Variants in ZNF479 observed in about 807,000 individuals in gnomAD.
ZNF479 encodes the protein zinc finger protein 479.
In ZNF479, 15 loss-of-function variants were observed where a neutral mutation model predicts 14.7. That is an observed-to-expected ratio of 1.02 (90% CI 0.68 to 1.57). The LOEUF (loss-of-function observed/expected upper bound fraction) is 1.57, where lower values mean the gene tolerates loss of function less well. Ranked by LOEUF, ZNF479 falls within the 40% of genes most tolerant of loss-of-function variation. The pLI, the probability that ZNF479 is intolerant of heterozygous loss-of-function variation, is 0.00. For missense variants in ZNF479, 506 were observed against 615.1 expected, an observed-to-expected ratio of 0.82 and a Z score of 1.88; for synonymous variants, 145 against 211.5, an observed-to-expected ratio of 0.69 and a Z score of 2.73.
chr7:57,118,885 A>G lies in ZNF479; in HGVS notation c.*955T>C, dbSNP rs1366242871. On this transcript the variant is annotated 3_prime_UTR_variant, in exon 4 of 4. Coordinates refer to ENST00000319636, the MANE Select transcript of ZNF479 (RefSeq NM_001370129.2). ...TTACCTACCATAACGTGTGACTACC[A>G]TTTAAAGTCCTTGCCACATTTAACA... Among the ~76,000 whole-genome samples the G allele has an allele frequency of 6.6e-6, 1 of 152,220 alleles. No homozygotes were observed. The highest frequency in any genetic ancestry group is 2.4e-5 in the African/African-American group (1 of 41,470).
Position 57,120,564 on chromosome 7 carries a change from A to T in ZNF479, c.851T>A (p.Leu284His). 1 of 1,613,572 alleles carries T rather than the reference A, an allele frequency of 6.2e-7. No individual in the cohort carries two copies. Among genetic ancestry groups the T allele is most frequent in the Non-Finnish European group, 8.5e-7 (1 of 1,179,876 alleles). Residue 284 changes from leucine (L) to histidine (H), a missense_variant, in exon 4 of 4, where the codon CTT (leucine) becomes CAT (histidine). Around this residue, in one of 3 missense-constraint regions of ZNF479, gnomAD observed 420 missense variants for 474.2 expected, o/e 0.89. Transcript: ENST00000319636. ...AGTATGAATTCTCTTGTGGTTAGTA[A>T]GTGCTGAGGAGCGCCTAAAGGCTTG... Reference protein sequence around the residue: ...CGQAFRRSSALTNHKRIHTGE... With the variant: ...CGQAFRRSSAHTNHKRIHTGE...
intron 3 of ZNF479, among the ~76,000 whole-genome samples, chr7:57,124,204 T>C (rs1786063318): frequency 6.6e-6 from 1 of 152,026 alleles, no homozygotes. Flanking sequence ...GCACTATACT[T>C]CATAATTTCA....
intron 1 of ZNF479, chr7:57,139,494 T>C (rs1245341075): frequency 2.6e-5 from 4 of 152,222 alleles, no homozygotes; most frequent in Non-Finnish European, 4.4e-5. Context: ...GGGTTTTAAA[T>C]CTTATCTTTA....
intron 3 of ZNF479, among the ~76,000 whole-genome samples, chr7:57,122,476 A>G (rs1402713458): frequency 6.6e-6 from 1 of 152,052 alleles, no homozygotes; most frequent in African/African-American, 2.4e-5. Context: ...ATGCATATAC[A>G]AAAAGTAAAA....
chr7:57,132,721 AT>A (rs529503287), upstream of ZNF479, among the ~76,000 whole-genome samples: 4 of 152,340 alleles, frequency 2.6e-5, no homozygotes, highest in South Asian at 8.3e-4. Context: ...GATATATAAT[AT>A]TTATTCATAA....
chr7:57,132,560 A>G (rs1214347160), upstream of ZNF479, among the ~76,000 whole-genome samples: 1 of 152,142 alleles, frequency 6.6e-6, no homozygotes, highest in Non-Finnish European at 1.5e-5. Flanking sequence ...GAGTGAGGGA[A>G]TATTTGATCA....
At chr7:57,129,171 T>C (rs779551229) in intron 1 of ZNF479, among the ~76,000 whole-genome samples, 1 of 152,192 alleles carries the variant, frequency 6.6e-6, no homozygotes, top group Non-Finnish European at 1.5e-5. Flanking sequence ...AATGGGAGCA[T>C]GAACCGCACT....
At chr7:57,122,597 A>G (rs574811763) in intron 3 of ZNF479, among the ~76,000 whole-genome samples, 47 of 152,306 alleles carry the variant, frequency 3.1e-4, no homozygotes, top group African/African-American at 1.1e-3. Flanking sequence ...TAGCAACATC[A>G]ATAAGAAGTA....
In ZNF479 at chr7:57,120,183, C is replaced by T; in HGVS notation, c.1232G>A (p.Cys411Tyr). ...GCTAAAGACTTTGCCACACTCTTCA[C>T]ATTTGTAGGGTCTCTCTCCAGTATG... ...RIHTGERPYK[C>Y]EECGKVFSLS... Residue 411 changes from cysteine to tyrosine, a missense_variant, in exon 4 of 4, where the codon TGT becomes TAT. Around this residue, in one of 3 missense-constraint regions of ZNF479, gnomAD observed 14 missense variants for 43.4 expected, o/e 0.32. Transcript: ENST00000319636. The T allele has an allele frequency of 6.2e-7, 1 of 1,612,122 alleles. No individual in the cohort carries two copies. The highest frequency in any genetic ancestry group is 1.7e-4 in the Middle Eastern group (1 of 6,036).
intron 1 of ZNF479, among the ~76,000 whole-genome samples, chr7:57,131,143 A>G (rs1409376819): frequency 1.3e-5 from 2 of 152,184 alleles, no homozygotes; most frequent in Admixed American, 6.5e-5. Flanking sequence ...AAATCAGAAA[A>G]CAAATCTGTT....
upstream of ZNF479, among the ~76,000 whole-genome samples, chr7:57,137,092 A>G (rs753855064): frequency 6.6e-6 from 1 of 152,214 alleles, no homozygotes; most frequent in Non-Finnish European, 1.5e-5. Context: ...GGCACTTTAC[A>G]TGACTAAAGT....
chr7:57,129,395 G>A (rs547787091), intron 1 of ZNF479, among the ~76,000 whole-genome samples: 10 of 152,056 alleles, frequency 6.6e-5, no homozygotes, highest in East Asian at 1.9e-4. Context: ...TTGTGCTTTC[G>A]CAGACACATT....
At chr7:57,126,149 G>A in intron 2 of ZNF479, 36 bp from the exon 3 acceptor site, 1 of 1,555,386 alleles carries the variant, frequency 6.4e-7, no homozygotes, top group Non-Finnish European at 8.7e-7. Flanking sequence ...CATAGATCAT[G>A]CTGAATTCTT....
chr7:57,139,508 C>T (rs140147590), intron 1 of ZNF479: 2 of 152,280 alleles, frequency 1.3e-5, no homozygotes, highest in East Asian at 3.9e-4. Context: ...ATCTTTAAAC[C>T]TTTCTGCAGG....
chr7:57,127,542 T>C (rs1786227570), intron 1 of ZNF479: 3 of 984,900 alleles, frequency 3.0e-6, no homozygotes, highest in South Asian at 9.4e-5. Context: ...AGTAAGAATA[T>C]TTTGTCAAAT....
At chr7:57,125,758 C>A (rs1786135161) in intron 3 of ZNF479, among the ~76,000 whole-genome samples, 1 of 152,176 alleles carries the variant, frequency 6.6e-6, no homozygotes. Flanking sequence ...TGCGCAGTCC[C>A]TGATAACCTT....
At chr7:57,134,921 C>A (rs953994531), upstream of ZNF479, among the ~76,000 whole-genome samples, 14 of 152,136 alleles carry the variant, frequency 9.2e-5, no homozygotes, top group Admixed American at 9.2e-4. Flanking sequence ...GTGATCCTCC[C>A]GCCTCTGCCT....
upstream of ZNF479, among the ~76,000 whole-genome samples, chr7:57,135,771 G>A (rs911964392): frequency 6.6e-6 from 1 of 152,078 alleles, no homozygotes; most frequent in Non-Finnish European, 1.5e-5. Context: ...GACAGAATTA[G>A]GTGAGTACAG....
chr7:57,120,375 T>C lies in ZNF479; in HGVS notation c.1040A>G (p.His347Arg), dbSNP rs1785864338. The C allele has an allele frequency of 3.1e-6, 5 of 1,613,508 alleles. No homozygotes were observed. The African/African-American group carries it at 6.7e-5, about 22-fold the overall frequency. ...ACAGGCATAGGGTTTCTCTCTAGTA[T>C]GAATTCTCTTATGTCTAGTAAGGTT... ...SSNLTRHKRI[H>R]TREKPYACEE... is the part of the protein sequence containing the mutation. The change falls in exon 4 of 4, where the codon CAT (histidine) becomes CGT (arginine). Residue 347 changes from histidine (H) to arginine (R), a missense_variant. Physicochemically the swap from His to Arg is conservative, Grantham distance 29. Around this residue, in one of 3 missense-constraint regions of ZNF479, gnomAD observed 420 missense variants for 474.2 expected, o/e 0.89. Coordinates refer to ENST00000319636, the MANE Select transcript of ZNF479 (RefSeq NM_001370129.2).
Sources: gnomAD v4.1 joint callset for allele counts (sites outside exome capture counted in the v4.1 genomes callset) on GRCh38, gnomAD v4.1.1 for gene constraint, gnomAD v4.1.1 regional missense constraint, MANE v1.5 for transcripts, NCBI Gene and HGNC (gene_info 2026-07-23, HGNC 2026-07-21) for gene names.